The following OSTC variants were observed in gnomAD, a reference collection of about 807,000 sequenced individuals.
OSTC encodes the protein oligosaccharyltransferase complex non-catalytic subunit.
A neutral mutation model predicts 16.4 loss-of-function variants in OSTC; 16 were observed. The ratio of observed to expected loss-of-function variants is 0.98; its 90% CI spans 0.66 to 1.49. OSTC has a LOEUF of 1.49. Ranked by LOEUF, OSTC falls within the 40% of genes most tolerant of loss-of-function variation. The probability of loss-of-function intolerance (pLI) is 0.00; values close to 1 mark genes in which losing one functional copy is unlikely to be tolerated. For missense variants in OSTC, 139 were observed against 186.3 expected, an observed-to-expected ratio of 0.75 and a Z score of 1.48; for synonymous variants, 67 against 68.5, an observed-to-expected ratio of 0.98 and a Z score of 0.11.
intron 1 of OSTC, among the ~76,000 whole-genome samples, chr4:108,654,793 G>A (rs1400817797): frequency 6.6e-6 from 1 of 152,242 alleles, no homozygotes; most frequent in African/African-American, 2.4e-5. Context: ...GGACATTAAT[G>A]TTAATGATTA....
At chr4:108,652,977 T>G (rs929415133) in intron 1 of OSTC, among the ~76,000 whole-genome samples, 1 of 151,976 alleles carries the variant, frequency 6.6e-6, no homozygotes, top group African/African-American at 2.4e-5. Context: ...AGGTGAAGGT[T>G]GCAGTGAGCC....
At position 108,657,598 on chromosome 4, in the gene OSTC, G is replaced by A; in HGVS notation, c.382G>A (p.Val128Ile). ...TCTTCTGTTCATTGGATTCGTCTGT[G>A]TCCTATTGAGTTTTTTCATGGCTAG... ...FLLLFIGFVCVLLSFFMARVF... is the reference protein window; with the variant it reads ...FLLLFIGFVCILLSFFMARVF... Residue 128 changes from valine (V) to isoleucine (I), a missense_variant, in exon 3 of 4, where the codon GTC (valine) becomes ATC (isoleucine). Coordinates refer to ENST00000361564, the MANE Select transcript of OSTC (RefSeq NM_021227.4). 1 of 1,613,756 alleles carries A rather than the reference G, an allele frequency of 6.2e-7. No homozygotes were observed. The highest frequency in any genetic ancestry group is 2.2e-5 in the East Asian group (1 of 44,826).
chr4:108,650,677 C>T lies in OSTC; in HGVS notation c.22C>T (p.Pro8Ser), dbSNP rs753117010. Residue 8 changes from proline to serine, a missense_variant, in exon 1 of 4, where the codon CCG becomes TCG. Physicochemically the swap from Pro to Ser is moderately conservative, Grantham distance 74. Transcript: ENST00000361564. METLYRV[P>S]FLVLECPNLK... ...CAACATGGAGACTTTGTACCGTGTC[C>T]CGTTCTTAGTGCTCGAATGTCCCAA... 3.1e-6 allele frequency: 5 copies of T among 1,614,130 alleles called. No individual in the cohort carries two copies. The South Asian group carries it at 4.4e-5, about 14-fold the overall frequency.
intron 1 of OSTC, among the ~76,000 whole-genome samples, chr4:108,653,422 A>G (rs1726609249): frequency 6.6e-6 from 1 of 152,214 alleles, no homozygotes; most frequent in Admixed American, 6.5e-5. Context: ...CGTAGGGCAA[A>G]TGTGAGACCA....
chr4:108,659,182 A>G (rs553011371), intron 3 of OSTC, among the ~76,000 whole-genome samples: 4 of 150,462 alleles, frequency 2.7e-5, no homozygotes, highest in South Asian at 4.2e-4. Context: ...AGTTTTCACT[A>G]TGTTGGCCAG....
At chr4:108,656,317 T>C (rs546080152) in intron 2 of OSTC, among the ~76,000 whole-genome samples, 1 of 152,298 alleles carries the variant, frequency 6.6e-6, no homozygotes, top group Admixed American at 6.5e-5. Context: ...ATAGAATATT[T>C]CTGGAAAGAT....
At position 108,657,596 on chromosome 4, in the gene OSTC, G is replaced by A. The variant is rs1418773390; in HGVS notation, c.380G>A (p.Cys127Tyr). 1 of 1,613,796 alleles carries A rather than the reference G, an allele frequency of 6.2e-7. No individual in the cohort carries two copies. Among genetic ancestry groups the A allele is most frequent in the Non-Finnish European group, 8.5e-7 (1 of 1,179,830 alleles). The change falls in exon 3 of 4, where the codon TGT (cysteine) becomes TAT (tyrosine). Residue 127 changes from cysteine (C) to tyrosine (Y), a missense_variant. Transcript: ENST00000361564. The part of the protein sequence containing the change: ...RFLLLFIGFV[C>Y]VLLSFFMARV... ...CTTCTTCTGTTCATTGGATTCGTCTGTGTCCTATTGAGTTTTTTCATGGCT... is the reference window on the plus strand; with the variant it reads ...CTTCTTCTGTTCATTGGATTCGTCTATGTCCTATTGAGTTTTTTCATGGCT...
intron 3 of OSTC, among the ~76,000 whole-genome samples, chr4:108,664,307 A>C (rs911444372): frequency 1.3e-5 from 2 of 150,508 alleles, no homozygotes; most frequent in Non-Finnish European, 2.9e-5. Context: ...TAAGAGATAG[A>C]GTACAAAGTG....
intron 1 of OSTC, chr4:108,651,073 C>T: frequency 2.7e-6 from 1 of 370,612 alleles, no homozygotes; most frequent in Non-Finnish European, 4.9e-6. Flanking sequence ...TTTTTCAAGG[C>T]CAAATTGTTG....
At chr4:108,657,951 A>G (rs1312062002) in intron 3 of OSTC, among the ~76,000 whole-genome samples, 2 of 74,690 alleles carry the variant, frequency 2.7e-5, no homozygotes, top group African/African-American at 1.1e-4. Context: ...TTTTTTTGAG[A>G]CGGAGTTTCG....
intron 3 of OSTC, among the ~76,000 whole-genome samples, chr4:108,661,274 C>T (rs1269426274): frequency 6.7e-6 from 1 of 150,118 alleles, no homozygotes; most frequent in African/African-American, 2.4e-5. Flanking sequence ...GCACACATAG[C>T]AGTACATTTA....
intron 3 of OSTC, among the ~76,000 whole-genome samples, chr4:108,662,629 A>G (rs1369962): frequency 0.81 from 122,963 of 152,142 alleles, 49,994 homozygotes; most frequent in East Asian, 1. Flanking sequence ...TTATTCTATG[A>G]CTTGAGGGAA....
At chr4:108,657,395 T>A in intron 2 of OSTC, 55 bp from the exon 3 acceptor site, 4 of 1,482,482 alleles carry the variant, frequency 2.7e-6, no homozygotes, top group Non-Finnish European at 3.7e-6. Context: ...GAATTTCAAT[T>A]TAAGGGAAAC....
Position 108,655,608 on chromosome 4 carries a change from A to G in OSTC, c.184A>G (p.Met62Val). The G allele has an allele frequency of 1.9e-6, 3 of 1,610,008 alleles. No individual in the cohort carries two copies. The highest frequency in any genetic ancestry group is 2.5e-6 in the Non-Finnish European group (3 of 1,176,546). ...TGTTGAACCTCCAAGTGTCGGTTCT[A>G]TGACTGATGAACATGGGCATCAGAG... is the stretch of plus-strand genomic sequence containing the variant. ...VIVEPPSVGSMTDEHGHQRPV... is the reference protein window; with the variant it reads ...VIVEPPSVGSVTDEHGHQRPV... Residue 62 changes from methionine (M) to valine (V), a missense_variant, in exon 2 of 4, where the codon ATG (methionine) becomes GTG (valine). Transcript: ENST00000361564.
intron 3 of OSTC, among the ~76,000 whole-genome samples, chr4:108,664,001 G>C (rs1726931150): frequency 6.6e-6 from 1 of 152,034 alleles, no homozygotes; most frequent in Admixed American, 6.6e-5. Flanking sequence ...CAAGAGAGGG[G>C]GCTAAATGAT....
At chr4:108,661,809 G>A (rs1726864118) in intron 3 of OSTC, among the ~76,000 whole-genome samples, 1 of 152,110 alleles carries the variant, frequency 6.6e-6, no homozygotes, top group South Asian at 2.1e-4. Flanking sequence ...TTTTGGCAGA[G>A]GCTGGTCTCG....
At chr4:108,665,884 T>C (rs186825248) in intron 3 of OSTC, among the ~76,000 whole-genome samples, 28 of 152,120 alleles carry the variant, frequency 1.8e-4, no homozygotes, top group East Asian at 1.7e-3. Flanking sequence ...TGGATACTTG[T>C]ACATAATTTT....
At position 108,658,183 on chromosome 4, in the gene OSTC, C is replaced by T. The variant is rs567878554; in HGVS notation, c.431+536C>T. Among the ~76,000 whole-genome samples the T allele has an allele frequency of 9.9e-5, 15 of 152,084 alleles. No individual in the cohort carries two copies. The South Asian group carries it at 1.9e-3, about 19-fold the overall frequency. ...CTGACCTCAGGTGATCCTCCTGCCT[C>T]GGCCTTCCAAAGTGCTGGGATTATA... On this transcript the variant is annotated intron_variant, in intron 3 of 3. Coordinates refer to ENST00000361564, the MANE Select transcript of OSTC (RefSeq NM_021227.4).
intron 3 of OSTC, 37 bp from the exon 4 acceptor site, chr4:108,667,210 C>A (rs781550633): frequency 3.8e-6 from 6 of 1,576,772 alleles, no homozygotes; most frequent in South Asian, 1.2e-5. Flanking sequence ...AAAAACAATT[C>A]TTTTCACTTT....
Sources: allele counts gnomAD v4.1 joint callset (sites outside exome capture counted in the v4.1 genomes callset), GRCh38; gene constraint gnomAD v4.1.1; transcripts MANE v1.5; gene names NCBI Gene and HGNC (gene_info 2026-07-23, HGNC 2026-07-21).